Variants in EFTUD2 observed in about 807,000 individuals in gnomAD.
The protein encoded by EFTUD2 is elongation factor Tu GTP binding domain containing 2.
A neutral mutation model predicts 114.3 loss-of-function variants in EFTUD2; 9 were observed. That is an observed-to-expected ratio of 0.08 (90% CI 0.05 to 0.14). The LOEUF (loss-of-function observed/expected upper bound fraction) is 0.14. EFTUD2 is among the 10% of genes least tolerant of loss of function. EFTUD2 has a pLI of 1.00. For synonymous variants in EFTUD2, 449 were observed against 462.3 expected (o/e 0.97, Z 0.37); for missense variants, 765 against 1,241.2 (o/e 0.62, Z 5.76).
At chr17:44,880,847 GA>G (rs1449865162) in intron 7 of EFTUD2, among the ~76,000 whole-genome samples, 1 of 152,162 alleles carries the variant, frequency 6.6e-6, no homozygotes, top group Non-Finnish European at 1.5e-5. Flanking sequence ...TTTCAAATGT[GA>G]AAAGATGAAA....
At position 44,859,977 on chromosome 17, in the gene EFTUD2, G is replaced by T. The variant is rs777613086; in HGVS notation, c.1788C>A (p.Asn596Lys). The T allele has an allele frequency of 6.2e-7, 1 of 1,614,204 alleles. No individual in the cohort carries two copies. Among genetic ancestry groups the T allele is most frequent in the Non-Finnish European group, 8.5e-7 (1 of 1,180,046 alleles). Residue 596 changes from asparagine (N) to lysine (K), a missense_variant, in exon 18 of 28, where the codon AAC becomes AAA. This residue lies in a region of EFTUD2 where 149 missense variants were observed against 245.1 expected (regional missense o/e 0.61). Coordinates refer to ENST00000426333, the MANE Select transcript of EFTUD2 (RefSeq NM_004247.4). ...SVIKIAVEPV[N>K]PSELPKMLDG... Reference sequence around the variant, plus strand: ...CAAGCATCTTGGGCAGCTCTGAGGGGTTGACTGGCTCCACAGCAATCTTGA... The same window carrying T: ...CAAGCATCTTGGGCAGCTCTGAGGGTTTGACTGGCTCCACAGCAATCTTGA...
intron 1 of EFTUD2, among the ~76,000 whole-genome samples, chr17:44,896,641 C>T (rs1486034277): frequency 1.3e-5 from 2 of 151,834 alleles, no homozygotes; most frequent in Non-Finnish European, 2.9e-5. Flanking sequence ...AGTGAGACTC[C>T]GTCTCGAAAA....
chr17:44,881,624 C>T, intron 7 of EFTUD2, 63 bp downstream of exon 7: 1 of 1,574,222 alleles, frequency 6.4e-7, no homozygotes, highest in Non-Finnish European at 8.7e-7. Context: ...TCTACATTCC[C>T]TACAAAACTA....
chr17:44,883,349 T>C (rs2145547022), intron 5 of EFTUD2, among the ~76,000 whole-genome samples, 191 bp from the exon 6 acceptor site: 1 of 152,330 alleles, frequency 6.6e-6, no homozygotes, highest in African/African-American at 2.4e-5. Flanking sequence ...AAATCTTTCT[T>C]AGACAGGCAT....
chr17:44,894,437 C>G lies in EFTUD2; in HGVS notation c.85G>C (p.Glu29Gln), dbSNP rs778392855. The change falls in exon 2 of 28, where the codon GAG becomes CAG. Residue 29 changes from glutamate (E) to glutamine (Q), a missense_variant. By Grantham distance (29) the Glu-to-Gln change is conservative. Around this residue, in one of 6 missense-constraint regions of EFTUD2, gnomAD observed 121 missense variants for 133.7 expected, o/e 0.90. Transcript: ENST00000426333. ...SDEDDDELGR[E>Q]TKDLDEMDDD... ...TTTACCTCATCAAGATCTTTGGTCT[C>G]TCTACCCAATTCATCATCATCTTCA... 1.2e-6 allele frequency: 2 copies of G among 1,613,570 alleles called. No individual in the cohort carries two copies. Among genetic ancestry groups the G allele is most frequent in the South Asian group, 1.1e-5 (1 of 91,064 alleles).
chr17:44,865,085 C>A lies in EFTUD2; in HGVS notation c.1150-20G>T, dbSNP rs778641008. On this transcript the variant is annotated intron_variant, in intron 13 of 27. Coordinates refer to ENST00000426333, the MANE Select transcript of EFTUD2 (RefSeq NM_004247.4). ...TACAACCTGTGAGGGTGTAAGACAC[C>A]ATGTCAGCTGTAGTGAGAGCCTGAG... 21 of 1,613,788 alleles carry A rather than the reference C, an allele frequency of 1.3e-5. No homozygotes were observed. Among genetic ancestry groups the A allele is most frequent in the Non-Finnish European group, 1.8e-5 (21 of 1,179,878 alleles).
chr17:44,861,702 C>G (rs576284255), intron 16 of EFTUD2, among the ~76,000 whole-genome samples: 4 of 152,184 alleles, frequency 2.6e-5, no homozygotes, highest in South Asian at 4.2e-4. Context: ...GCACTGCACT[C>G]CAGGTTGGGC....
chr17:44,868,203 C>G, intron 12 of EFTUD2, 84 bp downstream of exon 12: 1 of 1,211,594 alleles, frequency 8.3e-7, no homozygotes, highest in Non-Finnish European at 1.1e-6. Context: ...GGTATTTAAT[C>G]TTTGAACTCA....
intron 12 of EFTUD2, 131 bp downstream of exon 12, chr17:44,868,156 A>G: frequency 1.1e-6 from 1 of 925,122 alleles, no homozygotes; most frequent in East Asian, 2.7e-5. Context: ...TAGGGGAGGA[A>G]AGACGGTAGT....
At chr17:44,859,643 A>T in intron 18 of EFTUD2, 1 of 344,332 alleles carries the variant, frequency 2.9e-6, no homozygotes, top group Non-Finnish European at 5.4e-6. Flanking sequence ...ACAAATACGC[A>T]CACACACACA....
chr17:44,867,911 T>C lies in EFTUD2; in HGVS notation c.1059-14A>G, dbSNP rs1333205206. On this transcript the variant is annotated splice_polypyrimidine_tract_variant and intron_variant, in intron 12 of 27. Coordinates refer to ENST00000426333, the MANE Select transcript of EFTUD2 (RefSeq NM_004247.4). ...GTGAACTTTCGCCTAAAAGGAAAAA[T>C]AAGTTCTGAGTGACCCAGGGGAAAA... 10 of 1,575,616 alleles carry C rather than the reference T, an allele frequency of 6.3e-6. No homozygotes were observed. The highest frequency in any genetic ancestry group is 1.3e-5 in the African/African-American group (1 of 74,268).
rs34404174 is a variant in EFTUD2 at position 44,860,595 on chromosome 17, A to ATT, written c.1608-54_1608-53dup. On this transcript the variant is annotated intron_variant, in intron 16 of 27. Transcript: ENST00000426333. ...TGAAACTTAGGCAGAGCATTCCCTA[A>ATT]TTTTTTTTTTTTTTTTTTTTTTGAG... is the stretch of plus-strand genomic sequence containing the variant. 11,901 of 663,428 alleles carry ATT rather than the reference A, an allele frequency of 0.018. No homozygotes were observed. The highest frequency in any genetic ancestry group is 0.023 in the East Asian group (728 of 31,738). 41.1% of individuals were successfully genotyped at this position (663,428 alleles called of 1,614,324 possible).
chr17:44,857,591 C>A, intron 19 of EFTUD2: 1 of 205,302 alleles, frequency 4.9e-6, no homozygotes, highest in Non-Finnish European at 1.0e-5. Flanking sequence ...TGGTCTGCTG[C>A]CCAGGAAACC....
At chr17:44,893,414 C>T (rs1436748884) in intron 2 of EFTUD2, among the ~76,000 whole-genome samples, 2 of 152,198 alleles carry the variant, frequency 1.3e-5, no homozygotes, top group Admixed American at 1.3e-4. Context: ...AGCCACCACG[C>T]CCGGGCCCTT....
At position 44,864,999 on chromosome 17, in the gene EFTUD2, CCTT is replaced by C; in HGVS notation, c.1213_1215del (p.Lys405del). 7 of 1,614,196 alleles carry C rather than the reference CCTT, an allele frequency of 4.3e-6. No homozygotes were observed. Among genetic ancestry groups the C allele is most frequent in the African/African-American group, 1.3e-5 (1 of 75,042 alleles). ...GGGCGGATGTTCAGCTTCAGCTCCT[CCTT>C]CGTCAGGTGGATGCCAAGCTCGTCT... On this transcript the variant is annotated inframe_deletion, in exon 14 of 28. Coordinates refer to ENST00000426333, the MANE Select transcript of EFTUD2 (RefSeq NM_004247.4).
intron 3 of EFTUD2, 76 bp from the exon 4 acceptor site, chr17:44,885,410 TGACC>T: frequency 2.1e-6 from 2 of 967,274 alleles, no homozygotes; most frequent in South Asian, 2.6e-5. Context: ...TCCATTAGAC[TGACC>T]TTTCAGAATG....
intron 2 of EFTUD2, among the ~76,000 whole-genome samples, chr17:44,891,649 G>T (rs1239665856): frequency 6.6e-6 from 1 of 151,934 alleles, no homozygotes; most frequent in East Asian, 1.9e-4. Flanking sequence ...TAAGTGTTTA[G>T]CCCATTATTC....
chr17:44,850,068 CT>C lies in EFTUD2; in HGVS notation c.*1205del. The C allele has an allele frequency of 5.2e-6, 2 of 385,140 alleles. No homozygotes were observed. The highest frequency in any genetic ancestry group is 3.7e-5 in the Admixed American group (1 of 26,830). 23.9% of individuals were successfully genotyped at this position (385,140 alleles called of 1,614,324 possible). A position where few individuals can be genotyped will look rare whatever the true frequency, so the allele number is the denominator to read the frequency against. ...ATGTGTAACATGACAATAACCACCC[CT>C]GGCCTGCCTACCTTGCAGGCTGCTG... On this transcript the variant is annotated 3_prime_UTR_variant, in exon 28 of 28. Coordinates refer to ENST00000426333, the MANE Select transcript of EFTUD2 (RefSeq NM_004247.4).
At position 44,860,146 on chromosome 17, in the gene EFTUD2, T is replaced by C. The variant is rs1378468360; in HGVS notation, c.1720-101A>G. On this transcript the variant is annotated intron_variant, in intron 17 of 27. Coordinates refer to ENST00000426333, the MANE Select transcript of EFTUD2 (RefSeq NM_004247.4). ...AGAGGACTTGCTTAGGATCAGACTA[T>C]GTATTCCCCAACCAGGAGCCTGGTG... is the stretch of plus-strand genomic sequence containing the variant. The C allele has an allele frequency of 8.5e-6, 13 of 1,535,150 alleles. No individual in the cohort carries two copies. In the Admixed American group the frequency reaches 8.8e-5, roughly 10 times the overall value.
Sources: allele counts gnomAD v4.1 joint callset (sites outside exome capture counted in the v4.1 genomes callset), GRCh38; gene constraint gnomAD v4.1.1; regional missense constraint gnomAD v4.1.1; transcripts MANE v1.5; gene names NCBI Gene and HGNC (gene_info 2026-07-23, HGNC 2026-07-21).